The following SYNE2 variants were observed in gnomAD, a reference collection of about 807,000 sequenced individuals.
SYNE2 encodes nesprin-2.
A neutral mutation model predicts 856.3 loss-of-function variants in SYNE2; 431 were observed. The ratio of observed to expected loss-of-function variants is 0.50; its 90% CI spans 0.47 to 0.55. The LOEUF (loss-of-function observed/expected upper bound fraction) is 0.55. SYNE2 is among the 20% of genes least tolerant of loss of function. The probability of loss-of-function intolerance (pLI) is 0.00; values close to 1 mark genes in which losing one functional copy is unlikely to be tolerated. For missense variants in SYNE2, 8,129 were observed against 8,023.2 expected (o/e 1.01, Z -0.50); for synonymous variants, 2,923 against 2,872.3 (o/e 1.02, Z -0.56).
intron 1 of SYNE2, among the ~76,000 whole-genome samples, chr14:63,888,249 T>C (rs1180657276): frequency 6.6e-6 from 1 of 152,172 alleles, no homozygotes. Context: ...TTCTACGACA[T>C]GGTATTGCCC....
chr14:64,021,367 C>T lies in SYNE2; in HGVS notation c.5204C>T (p.Thr1735Ile), dbSNP rs2096934756. The T allele has an allele frequency of 6.2e-7, 1 of 1,614,110 alleles. No homozygotes were observed. Among genetic ancestry groups the T allele is most frequent in the Non-Finnish European group, 8.5e-7 (1 of 1,179,998 alleles). ...NKMEHVQKCLTGESNCHALSG... is the reference protein window; with the variant it reads ...NKMEHVQKCLIGESNCHALSG... ...ATGGAACATGTACAGAAGTGCTTAA[C>T]AGGAGAATCCAACTGCCATGCACTC... Residue 1735 changes from threonine to isoleucine, a missense_variant, in exon 36 of 116, where the codon ACA becomes ATA. This residue lies in a region of SYNE2 where 2,422 missense variants were observed against 2,357.4 expected (regional missense o/e 1.03). Transcript: ENST00000555002.
At chr14:64,185,222 A>C (rs1157689921) in intron 96 of SYNE2, among the ~76,000 whole-genome samples, 1 of 152,198 alleles carries the variant, frequency 6.6e-6, no homozygotes, top group South Asian at 2.1e-4. Context: ...TGATCATGCC[A>C]CTGTAGTCTA....
chr14:64,081,673 T>C (rs1388531154), intron 57 of SYNE2, 93 bp downstream of exon 57: 2 of 1,414,432 alleles, frequency 1.4e-6, no homozygotes, highest in Non-Finnish European at 2.0e-6. Flanking sequence ...CCTCCTTTCC[T>C]GAAATACAAC....
At chr14:64,003,971 C>T (rs907106899) in intron 30 of SYNE2, among the ~76,000 whole-genome samples, 1 of 152,086 alleles carries the variant, frequency 6.6e-6, no homozygotes, top group African/African-American at 2.4e-5. Context: ...TAGCAACAGT[C>T]GCTTTTGTGG....
At position 63,837,914 on chromosome 14, in the gene SYNE2, GT is replaced by G. The variant is rs1392917658; in HGVS notation, c.-304-14584del. On this transcript the variant is annotated intron_variant, in intron 1 of 23. Coordinates refer to the SYNE2 transcript ENST00000674003. The stretch of plus-strand genomic sequence containing the variant: ...AGGCTGGATGACAAAGTGAGACTCT[GT>G]TTCAAAAAAAAAAAAAAAAAAAAAA... 6.6e-5 allele frequency among the ~76,000 whole-genome samples: 3 copies of G among 45,762 alleles called. No homozygotes were observed. The Admixed American group carries it at 1.0e-3, about 16-fold the overall frequency. 30.0% of individuals were successfully genotyped at this position (45,762 alleles called of 152,430 possible). A position where few individuals can be genotyped will look rare whatever the true frequency, so the allele number is the denominator to read the frequency against.
chr14:64,222,497 G>A (rs1344953672), intron 112 of SYNE2, among the ~76,000 whole-genome samples: 2 of 152,174 alleles, frequency 1.3e-5, no homozygotes, highest in South Asian at 2.1e-4. Context: ...CTGAGGTCAG[G>A]AGTTCAAGAC....
intron 1 of SYNE2, among the ~76,000 whole-genome samples, chr14:63,895,092 A>C (rs541722868): frequency 6.7e-6 from 1 of 149,186 alleles, no homozygotes; most frequent in Non-Finnish European, 1.5e-5. Context: ...AAAGCACATA[A>C]ATTTCCATTT....
chr14:63,767,530 A>C (rs1301176205), intron 1 of SYNE2, among the ~76,000 whole-genome samples: 2 of 152,176 alleles, frequency 1.3e-5, no homozygotes, highest in Non-Finnish European at 2.9e-5. Flanking sequence ...ATAAAAATCG[A>C]AATTCTAGCT....
intron 2 of SYNE2, among the ~76,000 whole-genome samples, chr14:63,939,849 T>C (rs1412070639): frequency 2.0e-5 from 3 of 152,212 alleles, no homozygotes. Flanking sequence ...CTCTGACTAA[T>C]TACAGCCCAT....
Position 64,082,968 on chromosome 14 carries a change from AT to A in SYNE2, c.11484+1390del, listed in dbSNP as rs1273022548. ...GGATGCTGAGTACTAGGGAAGTTGCATTGCGCAGGTGTGTTTCCCTTCTCTT... is the reference window on the plus strand; with the variant it reads ...GGATGCTGAGTACTAGGGAAGTTGCATGCGCAGGTGTGTTTCCCTTCTCTT... On this transcript the variant is annotated intron_variant, in intron 57 of 115. Coordinates refer to ENST00000555002, the MANE Select transcript of SYNE2 (RefSeq NM_182914.3). Among the ~76,000 whole-genome samples the A allele has an allele frequency of 2.0e-5, 3 of 152,152 alleles. No individual in the cohort carries two copies. The East Asian group carries it at 5.8e-4, about 29-fold the overall frequency.
chr14:64,010,961 A>T (rs893066192), intron 32 of SYNE2, among the ~76,000 whole-genome samples: 20 of 152,132 alleles, frequency 1.3e-4, no homozygotes, highest in African/African-American at 4.6e-4. Context: ...TTTTACGAGT[A>T]CTAAGCTAAA....
At chr14:64,223,799 C>T (rs1479342420) in intron 113 of SYNE2, among the ~76,000 whole-genome samples, 5 of 152,058 alleles carry the variant, frequency 3.3e-5, no homozygotes, top group Non-Finnish European at 7.4e-5. Context: ...CAGACTGTGG[C>T]CTCACCAGAC....
At chr14:63,991,764 A>C (rs747222853) in intron 21 of SYNE2, among the ~76,000 whole-genome samples, 5 of 152,218 alleles carry the variant, frequency 3.3e-5, no homozygotes, top group Non-Finnish European at 7.3e-5. Flanking sequence ...TTGGAGAGGT[A>C]GAGTAATACT....
chr14:64,001,093 A>G (rs1361787539), intron 28 of SYNE2, among the ~76,000 whole-genome samples: 1 of 152,156 alleles, frequency 6.6e-6, no homozygotes, highest in Non-Finnish European at 1.5e-5. Context: ...TTGTATACAT[A>G]GGTTGTGTAT....
At chr14:63,904,649 A>AT (rs2095384352) in intron 1 of SYNE2, among the ~76,000 whole-genome samples, 1 of 151,810 alleles carries the variant, frequency 6.6e-6, no homozygotes, top group South Asian at 2.1e-4. Context: ...TCCTTTGCCC[A>AT]TTTTTTAATG....
In SYNE2 at chr14:63,846,786, G is replaced by A. The variant is rs537552915; in HGVS notation, c.-304-5715G>A. On this transcript the variant is annotated intron_variant, in intron 1 of 23. Transcript: ENST00000674003. ...TAATTTTTGTATTTTTAGTAGAGAC[G>A]AGGTTTCACCATGTTGGCTAGGCTG... 5.3e-5 allele frequency among the ~76,000 whole-genome samples: 8 copies of A among 151,566 alleles called. No homozygotes were observed. In the South Asian group the frequency reaches 6.3e-4, roughly 12 times the overall value.
intron 57 of SYNE2, among the ~76,000 whole-genome samples, chr14:64,082,510 G>T (rs920908956): frequency 2.0e-5 from 3 of 152,180 alleles, no homozygotes; most frequent in Non-Finnish European, 4.4e-5. Context: ...GGGCCATGGA[G>T]CTAGGGCCCA....
At chr14:63,828,592 A>C (rs1889551585) in intron 1 of SYNE2, among the ~76,000 whole-genome samples, 1 of 152,084 alleles carries the variant, frequency 6.6e-6, no homozygotes, top group Non-Finnish European at 1.5e-5. Flanking sequence ...TGGGGAACAA[A>C]GTGAGACCCC....
At chr14:64,193,716 T>C (rs1041978985) in intron 99 of SYNE2, among the ~76,000 whole-genome samples, 5 of 152,212 alleles carry the variant, frequency 3.3e-5, no homozygotes, top group African/African-American at 7.2e-5. Context: ...AGGATAGGCT[T>C]CCTTAAAAAC....
Sources: gnomAD v4.1 joint callset for allele counts (sites outside exome capture counted in the v4.1 genomes callset) on GRCh38, gnomAD v4.1.1 for gene constraint, gnomAD v4.1.1 regional missense constraint, MANE v1.5 for transcripts, NCBI Gene and HGNC (gene_info 2026-07-23, HGNC 2026-07-21) for gene names.